MACROD2: variants seen among roughly 807,000 people sequenced by gnomAD.
MACROD2 encodes ADP-ribose glycohydrolase MACROD2.
Under a neutral mutation model 70.4 loss-of-function variants are expected in MACROD2, and 36 were observed. The ratio of observed to expected loss-of-function variants is 0.51; its 90% confidence interval spans 0.39 to 0.68. The LOEUF is 0.68. MACROD2 is among the 30% of genes least tolerant of loss of function. The probability of loss-of-function intolerance (pLI) is 0.00; values close to 1 mark genes in which losing one functional copy is unlikely to be tolerated. For synonymous variants in MACROD2, 172 were observed against 178.8 expected (o/e 0.96, Z 0.30); for missense variants, 496 against 538.4 (o/e 0.92, Z 0.78).
intron 10 of MACROD2, chr20:15,893,898 GAAGAA>G (rs1402992467): frequency 2.2e-6 from 1 of 456,738 alleles, no homozygotes; most frequent in African/African-American, 2.0e-5. Flanking sequence ...TGAAAGGAGA[GAAGAA>G]AAGAAGGAGG....
At chr20:15,817,938 T>G (rs1287039053) in intron 8 of MACROD2, among the ~76,000 whole-genome samples, 1 of 152,196 alleles carries the variant, frequency 6.6e-6, no homozygotes, top group Admixed American at 6.5e-5. Flanking sequence ...CTGGACCACT[T>G]CTTGTTCCCC....
chr20:14,476,382 G>A (rs2084594833), intron 3 of MACROD2, among the ~76,000 whole-genome samples: 1 of 152,098 alleles, frequency 6.6e-6, no homozygotes, highest in African/African-American at 2.4e-5. Flanking sequence ...TTGAGACAAA[G>A]TCTCCCTCTG....
Position 14,003,636 on chromosome 20 carries a change from G to A in MACROD2, c.163+1232G>A, listed in dbSNP as rs1043378885. The A allele has an allele frequency of 2.9e-5, 13 of 454,184 alleles. 1 individual carries two copies. In the East Asian group the frequency reaches 5.4e-4, roughly 19 times the overall value. The allele number at this position is 454,184 out of a possible 1,614,324, so 28.1% of individuals were successfully genotyped here. A position where few individuals can be genotyped will look rare whatever the true frequency, so the allele number is the denominator to read the frequency against. On this transcript the variant is annotated intron_variant, in intron 2 of 17. Coordinates refer to ENST00000684519, the MANE Select transcript of MACROD2 (RefSeq NM_001351661.2). The stretch of plus-strand genomic sequence containing the variant: ...AAGATGATTTGCTGCCCACCACCCC[G>A]TCTCAGAACAGAAGGGTGGGAAGCC...
At chr20:14,703,974 C>T (rs189033336) in intron 5 of MACROD2, among the ~76,000 whole-genome samples, 22 of 152,036 alleles carry the variant, frequency 1.4e-4, no homozygotes, top group East Asian at 1.4e-3. Context: ...GTGATCTGCC[C>T]GCCTCAGCCT....
rs1343668050 is a variant in MACROD2, at chr20:14,470,409, G to A, written c.272-23070G>A. Among the ~76,000 whole-genome samples, 6 of 152,140 alleles carry A rather than the reference G, an allele frequency of 3.9e-5. 1 individual carries two copies. The highest frequency in any genetic ancestry group is 3.9e-4 in the Admixed American group (6 of 15,274). On this transcript the variant is annotated intron_variant, in intron 3 of 17. Transcript: ENST00000684519. ...CCCAGTCAGGAGATACGGGGATCGA[G>A]GACTCACTTGGGGAGGCAGTCTGTC... is the stretch of plus-strand genomic sequence containing the variant.
chr20:14,548,667 G>T (rs1978435460), intron 4 of MACROD2, among the ~76,000 whole-genome samples: 1 of 13,348 alleles, frequency 7.5e-5, no homozygotes, highest in Non-Finnish European at 1.9e-4. Flanking sequence ...GCAGTGAGCC[G>T]AGATCCCGCC....
chr20:15,209,264 G>A (rs997018724), intron 5 of MACROD2, among the ~76,000 whole-genome samples: 4 of 152,024 alleles, frequency 2.6e-5, no homozygotes, highest in African/African-American at 9.7e-5. Context: ...CCTATGGGCT[G>A]CCTTCTTCTG....
chr20:15,615,501 GGATGT>G (rs2049024970), intron 8 of MACROD2, among the ~76,000 whole-genome samples: 1 of 152,098 alleles, frequency 6.6e-6, no homozygotes, highest in Admixed American at 6.5e-5. Flanking sequence ...ACTCCCGTGG[GGATGT>G]GTCCATGGAG....
intron 3 of MACROD2, among the ~76,000 whole-genome samples, chr20:14,280,460 A>G (rs904861770): frequency 1.3e-5 from 2 of 152,188 alleles, no homozygotes; most frequent in African/African-American, 4.8e-5. Flanking sequence ...ACATTCTGTG[A>G]AAAATGAGTA....
intron 5 of MACROD2, among the ~76,000 whole-genome samples, chr20:14,918,829 C>A (rs1192147131): frequency 6.6e-6 from 1 of 152,112 alleles, no homozygotes; most frequent in African/African-American, 2.4e-5. Context: ...CAACATATCA[C>A]TGATGTGTTT....
intron 5 of MACROD2, among the ~76,000 whole-genome samples, chr20:14,727,188 A>G (rs990262714): frequency 6.6e-6 from 1 of 152,148 alleles, no homozygotes; most frequent in African/African-American, 2.4e-5. Flanking sequence ...ATGGAAGAAA[A>G]GTCTGCCAGC....
At chr20:14,299,912 T>C (rs1433228220) in intron 3 of MACROD2, among the ~76,000 whole-genome samples, 2 of 151,998 alleles carry the variant, frequency 1.3e-5, no homozygotes, top group South Asian at 2.1e-4. Context: ...ACATTTTTTT[T>C]CTGTGTTAGA....
chr20:14,060,587 T>C (rs2053680515), intron 2 of MACROD2, among the ~76,000 whole-genome samples: 1 of 152,114 alleles, frequency 6.6e-6, no homozygotes, highest in Non-Finnish European at 1.5e-5. Flanking sequence ...GTGAAATCAT[T>C]TGAGACCTGG....
chr20:15,164,584 T>C (rs899012894), intron 5 of MACROD2, among the ~76,000 whole-genome samples: 28 of 152,156 alleles, frequency 1.8e-4, no homozygotes. Flanking sequence ...TGAATATTAA[T>C]GAGGTGTAAG....
intron 5 of MACROD2, among the ~76,000 whole-genome samples, chr20:14,899,048 TA>T (rs1247991054): frequency 1.1e-4 from 17 of 152,266 alleles, no homozygotes; most frequent in African/African-American, 4.1e-4. Context: ...CTCCAACACT[TA>T]GTTATAGTTG....
intron 6 of MACROD2, among the ~76,000 whole-genome samples, chr20:15,305,971 C>G (rs1026608292): frequency 6.6e-6 from 1 of 152,098 alleles, no homozygotes; most frequent in Non-Finnish European, 1.5e-5. Context: ...AATTGGATAT[C>G]CTTTCATTCC....
At chr20:14,349,576 T>TA (rs60041209) in intron 3 of MACROD2, among the ~76,000 whole-genome samples, 6 of 147,884 alleles carry the variant, frequency 4.1e-5, no homozygotes, top group Admixed American at 6.8e-5. Context: ...TATATATATA[T>TA]TGTACCTATT....
At chr20:14,306,006 G>GCT (rs11471724) in intron 3 of MACROD2, among the ~76,000 whole-genome samples, 105,117 of 151,604 alleles carry the variant, frequency 0.69, 37,005 homozygotes, top group Non-Finnish European at 0.75. Flanking sequence ...TGTCTCTCTT[G>GCT]CTTTCTCTCT....
chr20:15,590,140 A>G (rs1354493201), intron 8 of MACROD2, among the ~76,000 whole-genome samples: 1 of 152,200 alleles, frequency 6.6e-6, no homozygotes, highest in Non-Finnish European at 1.5e-5. Context: ...GGAATATGAA[A>G]GGTGTGGAAA....
Sources: allele counts gnomAD v4.1 joint callset (sites outside exome capture counted in the v4.1 genomes callset), GRCh38; gene constraint gnomAD v4.1.1; transcripts MANE v1.5; gene names NCBI Gene and HGNC (gene_info 2026-07-23, HGNC 2026-07-21).